The following SLC35F2 variants were observed in gnomAD, a reference collection of about 807,000 sequenced individuals.
SLC35F2 encodes the protein queuine/queuosine transporter SLC35F2.
A neutral mutation model predicts 38.1 loss-of-function variants in SLC35F2; 25 were observed. That is an observed-to-expected ratio of 0.66 (90% confidence interval 0.48 to 0.92). The LOEUF is 0.92. SLC35F2 is among the 40% of genes least tolerant of loss of function. The pLI is 0.00. For synonymous variants in SLC35F2, 173 were observed against 181.7 expected, an observed-to-expected ratio of 0.95 and a Z score of 0.38; for missense variants, 409 against 452.9, an observed-to-expected ratio of 0.90 and a Z score of 0.88.
chr11:107,855,513 G>A (rs1164764947), intron 1 of SLC35F2, among the ~76,000 whole-genome samples: 4 of 152,052 alleles, frequency 2.6e-5, no homozygotes, highest in Admixed American at 1.3e-4. Flanking sequence ...TTAGCCAGGT[G>A]TGGTGGTGCA....
intron 3 of SLC35F2, chr11:107,811,297 C>T: frequency 1.0e-6 from 1 of 970,742 alleles, no homozygotes; most frequent in Non-Finnish European, 1.2e-6. Flanking sequence ...TGAATATCTA[C>T]TATGCTTGCA....
intron 3 of SLC35F2, chr11:107,810,938 T>C (rs891988337): frequency 3.1e-6 from 3 of 972,958 alleles, no homozygotes; most frequent in African/African-American, 3.5e-5. Context: ...CCACATCTGA[T>C]ACACACTTTT....
chr11:107,821,470 G>A, intron 1 of SLC35F2: 4 of 985,378 alleles, frequency 4.1e-6, no homozygotes, highest in Non-Finnish European at 4.8e-6. Flanking sequence ...CTGGCGGGGA[G>A]GGGGTAGGAA....
rs755736479 is a variant in SLC35F2 at position 107,811,625 on chromosome 11, T to C, written c.414+42A>G. ...CACATATGACTTCGTGTTCTTCTTT[T>C]GAAGCTATAAAATCCAAAGTGGTCA... On this transcript the variant is annotated intron_variant, in intron 3 of 7. Coordinates refer to ENST00000525815, the MANE Select transcript of SLC35F2 (RefSeq NM_017515.5). The C allele has an allele frequency of 1.9e-6, 3 of 1,551,348 alleles. No homozygotes were observed. In the Admixed American group the frequency reaches 6.0e-5, roughly 31 times the overall value.
At position 107,842,257 on chromosome 11, in the gene SLC35F2, C is replaced by CAAAAAAAAAAAAAAAAAA. The variant is rs541185009; in HGVS notation, c.110+16383_110+16400dup. On this transcript the variant is annotated intron_variant, in intron 1 of 7. Coordinates refer to ENST00000525815, the MANE Select transcript of SLC35F2 (RefSeq NM_017515.5). ...GGCGACAGAGTGAGACTCCGTCTCACAAAAAAAAAAAAAAAAAAAAAAAAA... is the reference window on the plus strand; with the variant it reads ...GGCGACAGAGTGAGACTCCGTCTCACAAAAAAAAAAAAAAAAAAAAAAAAAAAAAAAAAAAAAAAAAAA... Among the ~76,000 whole-genome samples, 44 of 37,902 alleles carry CAAAAAAAAAAAAAAAAAA rather than the reference C, an allele frequency of 1.2e-3. 7 individuals carry two copies. The highest frequency in any genetic ancestry group is 3.8e-3 in the South Asian group (2 of 520). The allele number at this position is 37,902 out of a possible 152,430, so 24.9% of individuals were successfully genotyped here.
chr11:107,804,764 A>G lies in SLC35F2; in HGVS notation c.738T>C (p.Ile246=). ...GTIISGIQLL[I]VEYKDIASIH... is the part of the protein sequence containing the mutation. ...TGCTGGCAATATCCTTATATTCCAC[A>G]ATCAATCTAAGATTAAAACAAGAGG... is the stretch of plus-strand genomic sequence containing the variant. Residue 246 remains isoleucine, a synonymous_variant, in exon 6 of 8, where the codon ATT becomes ATC. Transcript: ENST00000525815. 2 of 1,606,106 alleles carry G rather than the reference A, an allele frequency of 1.2e-6. No individual in the cohort carries two copies. The highest frequency in any genetic ancestry group is 1.7e-6 in the Non-Finnish European group (2 of 1,177,086).
At chr11:107,805,565 T>G (rs1211456812) in intron 4 of SLC35F2, 50 bp from the exon 5 acceptor site, 1 of 1,574,560 alleles carries the variant, frequency 6.4e-7, no homozygotes, top group Admixed American at 1.9e-5. Context: ...CAGATGAACC[T>G]CCACAGCGTG....
At chr11:107,799,988 A>G (rs988468061) in intron 7 of SLC35F2, among the ~76,000 whole-genome samples, 2 of 151,086 alleles carry the variant, frequency 1.3e-5, no homozygotes, top group African/African-American at 4.9e-5. Flanking sequence ...TCCCAGGTTC[A>G]TGCCATTCTC....
chr11:107,829,971 T>C (rs1859810558), intron 1 of SLC35F2, among the ~76,000 whole-genome samples: 1 of 152,088 alleles, frequency 6.6e-6, no homozygotes, highest in African/African-American at 2.4e-5. Flanking sequence ...TACTCCAAAA[T>C]CATGGTAAAC....
At chr11:107,822,837 G>T (rs926337626) in intron 1 of SLC35F2, among the ~76,000 whole-genome samples, 1 of 152,026 alleles carries the variant, frequency 6.6e-6, no homozygotes, top group Non-Finnish European at 1.5e-5. Context: ...GTTCACAGAG[G>T]AGTCAAAACA....
intron 4 of SLC35F2, among the ~76,000 whole-genome samples, chr11:107,806,072 C>T (rs755182226): frequency 2.0e-5 from 3 of 152,160 alleles, no homozygotes; most frequent in Non-Finnish European, 2.9e-5. Context: ...TGTGAGCCAC[C>T]GCACCCAACC....
Position 107,858,695 on chromosome 11 carries a change from T to C in SLC35F2, c.73A>G (p.Ser25Gly). 1 of 1,301,936 alleles carries C rather than the reference T, an allele frequency of 7.7e-7. No homozygotes were observed. Among genetic ancestry groups the C allele is most frequent in the Admixed American group, 3.2e-5 (1 of 31,288 alleles). The allele number at this position is 1,301,936 out of a possible 1,614,324, so 80.6% of individuals were successfully genotyped here. The stretch of plus-strand genomic sequence containing the variant: ...TTGCCTTTTATCCTGCGCAGCAGGC[T>C]GGAGAACTCGGCCGCCGCTCCCTCC... ...LAEGAAAEFSSLLRRIKGKLF... is the reference protein window; with the variant it reads ...LAEGAAAEFSGLLRRIKGKLF... The change falls in exon 1 of 8, where the codon AGC becomes GGC. Residue 25 changes from serine (S) to glycine (G), a missense_variant. Coordinates refer to ENST00000525815, the MANE Select transcript of SLC35F2 (RefSeq NM_017515.5).
At chr11:107,836,675 C>A (rs1318060194) in intron 1 of SLC35F2, among the ~76,000 whole-genome samples, 2 of 152,136 alleles carry the variant, frequency 1.3e-5, no homozygotes, top group Non-Finnish European at 2.9e-5. Context: ...TTGATTCTCC[C>A]CTAAAACCTC....
At chr11:107,825,929 G>A (rs181190431) in intron 1 of SLC35F2, among the ~76,000 whole-genome samples, 7 of 152,196 alleles carry the variant, frequency 4.6e-5, no homozygotes, top group Admixed American at 2.6e-4. Context: ...AGAGTTTGGG[G>A]GTGCTGATTT....
intron 3 of SLC35F2, 77 bp from the exon 4 acceptor site, chr11:107,806,953 G>A (rs1859402428): frequency 7.4e-7 from 1 of 1,345,750 alleles, no homozygotes. Flanking sequence ...AATAATAGGA[G>A]TCAGTATTTA....
chr11:107,843,441 T>A (rs1860042341), intron 1 of SLC35F2, among the ~76,000 whole-genome samples: 2 of 151,540 alleles, frequency 1.3e-5, no homozygotes, highest in African/African-American at 4.9e-5. Context: ...TCCCAGCTAC[T>A]CGGGAGGCGG....
intron 3 of SLC35F2, among the ~76,000 whole-genome samples, chr11:107,807,533 T>G (rs1859414341): frequency 6.6e-6 from 1 of 151,900 alleles, no homozygotes; most frequent in South Asian, 2.1e-4. Flanking sequence ...GCACTTTACC[T>G]CTATGCTCCC....
intron 3 of SLC35F2, among the ~76,000 whole-genome samples, chr11:107,807,435 A>G (rs573883153): frequency 2.0e-5 from 3 of 152,104 alleles, no homozygotes; most frequent in African/African-American, 7.2e-5. Flanking sequence ...TACAACCCAG[A>G]GAGACCCTGT....
At chr11:107,822,243 A>T (rs899173591) in intron 1 of SLC35F2, among the ~76,000 whole-genome samples, 2 of 152,232 alleles carry the variant, frequency 1.3e-5, no homozygotes, top group African/African-American at 4.8e-5. Context: ...CAAAAAAAAA[A>T]TTTAAGGAAT....
Sources: gnomAD v4.1 joint callset for allele counts (sites outside exome capture counted in the v4.1 genomes callset) on GRCh38, gnomAD v4.1.1 for gene constraint, MANE v1.5 for transcripts, NCBI Gene and HGNC (gene_info 2026-07-23, HGNC 2026-07-21) for gene names.